Variants in AGBL4 observed in about 807,000 individuals in gnomAD.
AGBL4 encodes the protein cytosolic carboxypeptidase 6.
AGBL4 carries 58 observed loss-of-function variants against 66.4 expected under a neutral mutation model. The ratio of observed to expected loss-of-function variants is 0.87; its 90% CI spans 0.71 to 1.09. The LOEUF is 1.09. AGBL4 is among the 50% of genes least tolerant of loss of function. The pLI, the probability that AGBL4 is intolerant of heterozygous loss-of-function variation, is 0.00. For missense variants in AGBL4, 579 were observed against 631.0 expected, an observed-to-expected ratio of 0.92 and a Z score of 0.88; for synonymous variants, 234 against 222.9, an observed-to-expected ratio of 1.05 and a Z score of -0.44.
intron 3 of AGBL4, among the ~76,000 whole-genome samples, chr1:49,516,432 C>T (rs1649830967): frequency 6.6e-6 from 1 of 151,958 alleles, no homozygotes; most frequent in African/African-American, 2.4e-5. Flanking sequence ...GTGCTGTCTC[C>T]CACAGAAAGA....
intron 9 of AGBL4, among the ~76,000 whole-genome samples, chr1:48,595,109 C>G (rs1644975986): frequency 1.3e-5 from 2 of 152,126 alleles, no homozygotes; most frequent in Non-Finnish European, 2.9e-5. Flanking sequence ...TACAAAATCT[C>G]AATTCAAAAA....
intron 6 of AGBL4, among the ~76,000 whole-genome samples, chr1:48,710,929 C>CAAAAAAAAAA (rs1557895437): frequency 1.3e-5 from 2 of 152,164 alleles, no homozygotes; most frequent in African/African-American, 4.8e-5. Flanking sequence ...AGATCCAGCT[C>CAAAAAAAAAA]AGACATTACC....
intron 5 of AGBL4, among the ~76,000 whole-genome samples, chr1:48,992,034 T>C (rs1324967891): frequency 1.3e-5 from 2 of 152,194 alleles, no homozygotes; most frequent in African/African-American, 4.8e-5. Context: ...CTGGATGATC[T>C]TGATGCTTGT....
chr1:49,208,502 A>G (rs1046569393), intron 4 of AGBL4, among the ~76,000 whole-genome samples: 3 of 152,090 alleles, frequency 2.0e-5, no homozygotes, highest in African/African-American at 7.2e-5. Flanking sequence ...AGTTCAAGGA[A>G]TTCAAAATGT....
chr1:49,843,419 A>C (rs1480151736), intron 2 of AGBL4, among the ~76,000 whole-genome samples: 1 of 152,176 alleles, frequency 6.6e-6, no homozygotes, highest in Admixed American at 6.5e-5. Context: ...GATTACAGGC[A>C]TGAGGCCCTG....
At chr1:49,218,703 T>A (rs1251153775) in intron 4 of AGBL4, among the ~76,000 whole-genome samples, 2 of 152,252 alleles carry the variant, frequency 1.3e-5, no homozygotes, top group African/African-American at 4.8e-5. Flanking sequence ...TGCATTGCAG[T>A]AGCCCCTCTG....
chr1:48,711,121 C>T (rs775725829), intron 6 of AGBL4, among the ~76,000 whole-genome samples: 1 of 152,160 alleles, frequency 6.6e-6, no homozygotes, highest in Non-Finnish European at 1.5e-5. Flanking sequence ...ACCTCCAGGT[C>T]CCAGGGTCCA....
At chr1:48,557,829 C>T (rs770126591) in intron 11 of AGBL4, among the ~76,000 whole-genome samples, 2 of 152,126 alleles carry the variant, frequency 1.3e-5, no homozygotes, top group African/African-American at 2.4e-5. Flanking sequence ...AACAAAGAAG[C>T]GCACAGCTCA....
At chr1:49,427,549 T>C (rs1426962947) in intron 3 of AGBL4, among the ~76,000 whole-genome samples, 1 of 152,028 alleles carries the variant, frequency 6.6e-6, no homozygotes, top group East Asian at 1.9e-4. Context: ...TTCTTAAAGA[T>C]GGTGTGTCCA....
intron 4 of AGBL4, among the ~76,000 whole-genome samples, chr1:49,106,511 G>C (rs183772200): frequency 6.6e-6 from 1 of 152,160 alleles, no homozygotes; most frequent in Admixed American, 6.5e-5. Flanking sequence ...TGGGCCTAGT[G>C]ACCAGAGGTA....
At chr1:49,295,449 GTTTGGGGA>G (rs1644623689) in intron 3 of AGBL4, among the ~76,000 whole-genome samples, 1 of 152,176 alleles carries the variant, frequency 6.6e-6, no homozygotes, top group Non-Finnish European at 1.5e-5. Context: ...TCCAGGTAAA[GTTTGGGGA>G]TTTGGGATAA....
chr1:48,619,812 A>G (rs749101488), intron 9 of AGBL4, among the ~76,000 whole-genome samples: 3 of 152,184 alleles, frequency 2.0e-5, no homozygotes, highest in African/African-American at 4.8e-5. Context: ...TGCTGTGTAC[A>G]GTGGCCTTAG....
At position 49,426,347 on chromosome 1, in the gene AGBL4, A is replaced by C. The variant is rs1029140630; in HGVS notation, c.283-180483T>G. Among the ~76,000 whole-genome samples, 4 of 152,276 alleles carry C rather than the reference A, an allele frequency of 2.6e-5. No individual in the cohort carries two copies. In the South Asian group the frequency reaches 8.3e-4, roughly 32 times the overall value. On this transcript the variant is annotated intron_variant, in intron 3 of 13. Coordinates refer to ENST00000371839, the MANE Select transcript of AGBL4 (RefSeq NM_032785.4). ...AATAAAAAGTGAAAAAACAAAACAA[A>C]ATAAAACCAATCTATTGAATATCAC...
At chr1:49,842,046 T>C (rs1646007892) in intron 2 of AGBL4, 2 of 378,998 alleles carry the variant, frequency 5.3e-6, no homozygotes, top group Non-Finnish European at 5.0e-6. Context: ...AGCCTCCTCC[T>C]TGTGCCCAGC....
At chr1:49,553,997 G>A (rs188254776) in intron 3 of AGBL4, among the ~76,000 whole-genome samples, 17 of 152,118 alleles carry the variant, frequency 1.1e-4, no homozygotes, top group African/African-American at 3.6e-4. Context: ...AACCTTAGCT[G>A]GCGTTAGTGG....
chr1:49,514,489 C>T (rs1035289180), intron 3 of AGBL4, among the ~76,000 whole-genome samples: 144 of 151,990 alleles, frequency 9.5e-4, no homozygotes, highest in Non-Finnish European at 1.7e-3. Flanking sequence ...TCAATGCCAT[C>T]CCCATCAAGC....
At chr1:48,986,704 A>ACCAGATGGATG in intron 5 of AGBL4, among the ~76,000 whole-genome samples, 1 of 152,126 alleles carries the variant, frequency 6.6e-6, no homozygotes, top group East Asian at 1.9e-4. Flanking sequence ...AAATATGGAT[A>ACCAGATGGATG]CCAGATGGAA....
At chr1:49,802,376 T>C (rs1427538966) in intron 2 of AGBL4, among the ~76,000 whole-genome samples, 6 of 152,198 alleles carry the variant, frequency 3.9e-5, no homozygotes, top group African/African-American at 1.4e-4. Flanking sequence ...ATTTCTGGTC[T>C]AACCGGTTGT....
At chr1:48,793,025 A>G (rs923402440) in intron 6 of AGBL4, among the ~76,000 whole-genome samples, 1 of 152,186 alleles carries the variant, frequency 6.6e-6, no homozygotes, top group East Asian at 1.9e-4. Flanking sequence ...AAGTGTCCAC[A>G]TGACGAACTC....
Sources: gnomAD v4.1 joint callset for allele counts (sites outside exome capture counted in the v4.1 genomes callset) on GRCh38, gnomAD v4.1.1 for gene constraint, MANE v1.5 for transcripts, NCBI Gene and HGNC (gene_info 2026-07-23, HGNC 2026-07-21) for gene names.